Variants in SIL1 observed in about 807,000 individuals in gnomAD.
SIL1 encodes the protein nucleotide exchange factor SIL1.
Under a neutral mutation model 49.1 loss-of-function variants are expected in SIL1, and 40 were observed. That is an observed-to-expected ratio of 0.81 (90% CI 0.63 to 1.06). SIL1 has a LOEUF of 1.06. Ranked by LOEUF, SIL1 falls within the 50% of genes least tolerant of loss-of-function variation. The pLI is 0.00. For synonymous variants in SIL1, 253 were observed against 250.8 expected (o/e 1.01, Z -0.08); for missense variants, 500 against 572.6 (o/e 0.87, Z 1.29).
intron 3 of SIL1, among the ~76,000 whole-genome samples, chr5:139,067,235 C>CA (rs1394116984): frequency 6.6e-6 from 1 of 152,168 alleles, no homozygotes; most frequent in Non-Finnish European, 1.5e-5. Context: ...AATTCCACAG[C>CA]ATCACTCCTC....
At chr5:139,173,365 C>A (rs576935184) in intron 1 of SIL1, among the ~76,000 whole-genome samples, 5 of 151,896 alleles carry the variant, frequency 3.3e-5, no homozygotes, top group Admixed American at 1.3e-4. Flanking sequence ...GCCTGGCCAA[C>A]ATGGTGAAAC....
At chr5:139,061,238 C>G (rs1218075893) in intron 3 of SIL1, among the ~76,000 whole-genome samples, 1 of 152,234 alleles carries the variant, frequency 6.6e-6, no homozygotes. Flanking sequence ...GTGGTGCCCA[C>G]AGTGAGGTTG....
rs376116249 is a variant in SIL1 at position 138,970,616 on chromosome 5, G to A, written c.768-18732C>T. On this transcript the variant is annotated intron_variant, in intron 7 of 9. Transcript: ENST00000394817. ...GGCCCTCTCTCAGCCTGCACCTCTAGGCTTTGCTTCTCTCCAGTTTTCTCC... is the reference window on the plus strand; with the variant it reads ...GGCCCTCTCTCAGCCTGCACCTCTAAGCTTTGCTTCTCTCCAGTTTTCTCC... Among the ~76,000 whole-genome samples, 181 of 152,280 alleles carry A rather than the reference G, an allele frequency of 1.2e-3. 6 individuals carry two copies. The South Asian group carries it at 0.035, about 30-fold the overall frequency.
chr5:138,961,897 A>C (rs903288358), intron 7 of SIL1, among the ~76,000 whole-genome samples: 21 of 148,420 alleles, frequency 1.4e-4, no homozygotes, highest in African/African-American at 4.7e-4. Context: ...AGAGAGTTTT[A>C]CCTTCCCCTT....
chr5:138,995,604 A>C (rs1486605736), intron 7 of SIL1, among the ~76,000 whole-genome samples: 1 of 152,232 alleles, frequency 6.6e-6, no homozygotes, highest in East Asian at 1.9e-4. Flanking sequence ...TATATTATAC[A>C]ACAGATTATT....
rs571275704 is a variant in SIL1, at chr5:139,016,999, ATGC to A, written c.767+4169_767+4171del. 2.6e-5 allele frequency: 4 copies of A among 152,326 alleles called. No individual in the cohort carries two copies. In the South Asian group the frequency reaches 8.3e-4, roughly 32 times the overall value. The allele number at this position is 152,326 out of a possible 1,614,324, so 9.4% of individuals were successfully genotyped here. On this transcript the variant is annotated intron_variant, in intron 7 of 9. Coordinates refer to ENST00000394817, the MANE Select transcript of SIL1 (RefSeq NM_022464.5). ...GTAGCATAGCTGGGACCACAGGCAC[ATGC>A]TACCATGCCCAGCTAATTTTTGTAT...
intron 1 of SIL1, among the ~76,000 whole-genome samples, chr5:139,162,776 G>C (rs929149591): frequency 6.6e-6 from 1 of 152,138 alleles, no homozygotes; most frequent in African/African-American, 2.4e-5. Context: ...CTGTGAATGT[G>C]ACAAACAGAT....
chr5:138,962,304 ATTT>A (rs76466712), intron 7 of SIL1, among the ~76,000 whole-genome samples: 1 of 143,062 alleles, frequency 7.0e-6, no homozygotes, highest in Non-Finnish European at 1.5e-5. Flanking sequence ...GACTTTTTCC[ATTT>A]TTTTTTTTTT....
At chr5:139,009,053 A>G (rs1040411711) in intron 7 of SIL1, among the ~76,000 whole-genome samples, 59 of 151,166 alleles carry the variant, frequency 3.9e-4, no homozygotes, top group African/African-American at 1.4e-3. Flanking sequence ...TCTAATGTTG[A>G]CAGTGGGGTG....
intron 7 of SIL1, among the ~76,000 whole-genome samples, chr5:139,004,668 TTTCAAC>T (rs1408010996): frequency 2.6e-5 from 4 of 152,200 alleles, no homozygotes; most frequent in Non-Finnish European, 5.9e-5. Flanking sequence ...GCAATTAGAT[TTTCAAC>T]TTCAAGAAGT....
chr5:139,177,094 G>A (rs879815211), intron 1 of SIL1, among the ~76,000 whole-genome samples: 1 of 151,858 alleles, frequency 6.6e-6, no homozygotes, highest in Non-Finnish European at 1.5e-5. Flanking sequence ...CACCACAGCC[G>A]GCTAATTTTT....
chr5:139,101,570 C>G (rs1770588611), intron 3 of SIL1, among the ~76,000 whole-genome samples: 1 of 152,182 alleles, frequency 6.6e-6, no homozygotes, highest in African/African-American at 2.4e-5. Flanking sequence ...TCTCTTCCCC[C>G]CAAAATAGCC....
intron 1 of SIL1, among the ~76,000 whole-genome samples, chr5:139,151,084 G>T (rs1358041795): frequency 1.3e-5 from 2 of 152,150 alleles, no homozygotes; most frequent in Non-Finnish European, 2.9e-5. Context: ...GACAAAATAG[G>T]TATTGAAGAA....
At chr5:139,084,688 GACAC>G (rs1170235070) in intron 3 of SIL1, among the ~76,000 whole-genome samples, 1 of 138,346 alleles carries the variant, frequency 7.2e-6, no homozygotes, top group Non-Finnish European at 1.6e-5. Flanking sequence ...AATGCTAGAT[GACAC>G]ATTAGTGGGT....
intron 1 of SIL1, among the ~76,000 whole-genome samples, chr5:139,138,464 G>A (rs920249808): frequency 5.9e-5 from 9 of 152,138 alleles, no homozygotes; most frequent in South Asian, 2.1e-4. Context: ...CTGAGGTACC[G>A]GGAGTGATCA....
At chr5:139,166,634 G>A (rs1581145428) in intron 1 of SIL1, among the ~76,000 whole-genome samples, 1 of 152,162 alleles carries the variant, frequency 6.6e-6, no homozygotes, top group Non-Finnish European at 1.5e-5. Context: ...TACAGCCTGG[G>A]CAAGGAGTGA....
At chr5:139,108,238 T>C (rs1256970758) in intron 3 of SIL1, 1 of 152,158 alleles carries the variant, frequency 6.6e-6, no homozygotes, top group Non-Finnish European at 1.5e-5. Context: ...GAAAAGGCCA[T>C]TGTTCTCCTG....
intron 1 of SIL1, among the ~76,000 whole-genome samples, chr5:139,134,243 G>A (rs1750926284): frequency 6.6e-6 from 1 of 152,168 alleles, no homozygotes; most frequent in Non-Finnish European, 1.5e-5. Flanking sequence ...TCAGCCTCCT[G>A]AGTAGCTGGG....
At chr5:139,112,151 A>G (rs1171934200) in intron 3 of SIL1, among the ~76,000 whole-genome samples, 1 of 152,186 alleles carries the variant, frequency 6.6e-6, no homozygotes, top group African/African-American at 2.4e-5. Context: ...TCAGTGCTCA[A>G]TGTTGCCCAG....
Sources: allele counts gnomAD v4.1 joint callset (sites outside exome capture counted in the v4.1 genomes callset), GRCh38; gene constraint gnomAD v4.1.1; transcripts MANE v1.5; gene names NCBI Gene and HGNC (gene_info 2026-07-23, HGNC 2026-07-21).